Variants in TOR1AIP1 observed in about 807,000 individuals in gnomAD.
TOR1AIP1 encodes torsin 1A interacting protein 1.
TOR1AIP1 carries 54 observed loss-of-function variants against 63.3 expected under a neutral mutation model. The observed-to-expected ratio is 0.85, with a 90% CI of 0.69 to 1.07. The LOEUF is 1.07. TOR1AIP1 is among the 50% of genes least tolerant of loss of function. TOR1AIP1 has a pLI of 0.00. For synonymous variants in TOR1AIP1, 294 were observed against 273.5 expected (o/e 1.07, Z -0.74); for missense variants, 736 against 715.0 (o/e 1.03, Z -0.33).
intron 7 of TOR1AIP1, 44 bp downstream of exon 7, chr1:179,907,908 T>TTTA: frequency 9.4e-7 from 1 of 1,059,716 alleles, no homozygotes; most frequent in Non-Finnish European, 1.3e-6. Context: ...AATCAATTCT[T>TTTA]TTCTCTTTTT....
At chr1:179,916,625 A>T (rs990941856) in intron 9 of TOR1AIP1, among the ~76,000 whole-genome samples, 3 of 152,016 alleles carry the variant, frequency 2.0e-5, no homozygotes, top group African/African-American at 7.2e-5. Context: ...CACAAAAGGC[A>T]TCAGTGAAAT....
At chr1:179,914,279 C>A (rs1311764945) in intron 9 of TOR1AIP1, among the ~76,000 whole-genome samples, 1 of 152,038 alleles carries the variant, frequency 6.6e-6, no homozygotes, top group Non-Finnish European at 1.5e-5. Flanking sequence ...TCTATAAGAC[C>A]AAAAATAATA....
chr1:179,906,317 A>G (rs551836515), intron 6 of TOR1AIP1, among the ~76,000 whole-genome samples: 1 of 152,236 alleles, frequency 6.6e-6, no homozygotes, highest in Non-Finnish European at 1.5e-5. Context: ...ACAGATAGAT[A>G]TTCATGAATT....
In TOR1AIP1 at chr1:179,907,806, C is replaced by A; in HGVS notation, c.797-17C>A. On this transcript the variant is annotated splice_polypyrimidine_tract_variant and intron_variant, in intron 6 of 9. Coordinates refer to ENST00000606911, the MANE Select transcript of TOR1AIP1 (RefSeq NM_015602.4). Reference sequence around the variant, plus strand: ...TTTTCAAGTATTCTATGACCTTATCCCTGTTTTCTGTTTCAGGTCAAAACT... The same window carrying A: ...TTTTCAAGTATTCTATGACCTTATCACTGTTTTCTGTTTCAGGTCAAAACT... The A allele has an allele frequency of 6.3e-7, 1 of 1,581,644 alleles. No individual in the cohort carries two copies. The highest frequency in any genetic ancestry group is 8.6e-7 in the Non-Finnish European group (1 of 1,162,726).
chr1:179,886,049 A>G lies in TOR1AIP1; in HGVS notation c.553+1280A>G, dbSNP rs985840482. ...AGCCACCACGCCTGGCCTGTCCTAT[A>G]TTCCTTGAATAGTCTATGTTACTGT... On this transcript the variant is annotated intron_variant, in intron 2 of 9. Transcript: ENST00000606911. Among the ~76,000 whole-genome samples the G allele has an allele frequency of 6.6e-5, 10 of 152,282 alleles. No individual in the cohort carries two copies. In the East Asian group the frequency reaches 1.9e-3, roughly 29 times the overall value.
chr1:179,896,698 C>T (rs575741), intron 3 of TOR1AIP1, among the ~76,000 whole-genome samples: 23 of 152,038 alleles, frequency 1.5e-4, no homozygotes, highest in Non-Finnish European at 2.6e-4. Flanking sequence ...AGAATGAGGA[C>T]GGAGACTTGC....
intron 3 of TOR1AIP1, among the ~76,000 whole-genome samples, chr1:179,898,600 C>T (rs1648355187): frequency 1.3e-5 from 2 of 152,018 alleles, no homozygotes; most frequent in South Asian, 4.2e-4. Flanking sequence ...GAGCTCATGC[C>T]TGTATTACAG....
intron 6 of TOR1AIP1, among the ~76,000 whole-genome samples, chr1:179,905,183 T>C (rs1198554146): frequency 6.6e-6 from 1 of 152,108 alleles, no homozygotes; most frequent in African/African-American, 2.4e-5. Context: ...GAGACCATCC[T>C]GGCCAACATG....
Position 179,906,732 on chromosome 1 carries a change from T to C in TOR1AIP1, c.797-1091T>C, listed in dbSNP as rs12097138. The stretch of plus-strand genomic sequence containing the variant: ...TTTTGGAAAAATTACCAATTTTGGT[T>C]CCCCCCCCCCCTTTTTTTTTTTTGA... On this transcript the variant is annotated intron_variant, in intron 6 of 9. Coordinates refer to ENST00000606911, the MANE Select transcript of TOR1AIP1 (RefSeq NM_015602.4). Among the ~76,000 whole-genome samples, 400 of 112,660 alleles carry C rather than the reference T, an allele frequency of 3.6e-3. 5 individuals are homozygous for C. Among genetic ancestry groups the C allele is most frequent in the African/African-American group, 0.013 (385 of 29,416 alleles). 73.9% of individuals were successfully genotyped at this position (112,660 alleles called of 152,430 possible). A position where few individuals can be genotyped will look rare whatever the true frequency, so the allele number is the denominator to read the frequency against.
intron 5 of TOR1AIP1, among the ~76,000 whole-genome samples, chr1:179,902,412 G>A (rs1191246176): frequency 2.0e-5 from 3 of 151,556 alleles, no homozygotes; most frequent in African/African-American, 7.3e-5. Flanking sequence ...TTTTGAGACA[G>A]GATCTCTCTC....
intron 7 of TOR1AIP1, 127 bp from the exon 8 acceptor site, chr1:179,908,478 A>G (rs1303973835): frequency 4.1e-6 from 3 of 723,648 alleles, no homozygotes; most frequent in South Asian, 2.0e-5. Context: ...TTATAAAACT[A>G]TTGCTTTTAT....
chr1:179,902,047 G>A lies in TOR1AIP1; in HGVS notation c.739+659G>A, dbSNP rs180979552. ...TTTTTTTTTTTTTTTTTTTTTTAAG[G>A]CAGAGTCTCACTCTGTCACCCATGC... On this transcript the variant is annotated intron_variant, in intron 5 of 9. Transcript: ENST00000606911. Among the ~76,000 whole-genome samples the A allele has an allele frequency of 5.2e-3, 673 of 129,214 alleles. 2 individuals carry two copies. The highest frequency in any genetic ancestry group is 0.036 in the Middle Eastern group (8 of 220). 84.8% of individuals were successfully genotyped at this position (129,214 alleles called of 152,430 possible).
intron 3 of TOR1AIP1, among the ~76,000 whole-genome samples, chr1:179,895,401 C>G (rs1258993640): frequency 6.6e-6 from 1 of 151,906 alleles, no homozygotes; most frequent in Non-Finnish European, 1.5e-5. Flanking sequence ...TCGCTTGAAC[C>G]CAGGAATTTA....
intron 8 of TOR1AIP1, among the ~76,000 whole-genome samples, chr1:179,909,556 G>A (rs758339388): frequency 1.3e-4 from 19 of 151,792 alleles, no homozygotes; most frequent in Non-Finnish European, 2.1e-4. Flanking sequence ...GACTACAGGC[G>A]CGTACCACCA....
At chr1:179,894,510 A>C (rs1023361685) in intron 3 of TOR1AIP1, among the ~76,000 whole-genome samples, 1 of 152,000 alleles carries the variant, frequency 6.6e-6, no homozygotes, top group Non-Finnish European at 1.5e-5. Flanking sequence ...AACATGGTGA[A>C]ACCCTATCTC....
At chr1:179,907,942 T>G in intron 7 of TOR1AIP1, 78 bp downstream of exon 7, 1 of 782,726 alleles carries the variant, frequency 1.3e-6, no homozygotes, top group African/African-American at 2.0e-5. Flanking sequence ...TTTGAGACGA[T>G]GTCTTGCTCT....
At chr1:179,885,215 C>T (rs746890029) in intron 2 of TOR1AIP1, among the ~76,000 whole-genome samples, 9 of 152,214 alleles carry the variant, frequency 5.9e-5, no homozygotes, top group Non-Finnish European at 1.0e-4. Context: ...CAGTTTAATA[C>T]TGTGGTTTAT....
At position 179,882,583 on chromosome 1, in the gene TOR1AIP1, G is replaced by C. The variant is rs755857967; in HGVS notation, c.81G>C (p.Glu27Asp). Reference sequence around the variant, plus strand: ...TCACCCCCAGGGCCCCCATCCGAGAGGGAAGGGGCCGGCTCGCCCCTCAAA... The same window carrying C: ...TCACCCCCAGGGCCCCCATCCGAGACGGAAGGGGCCGGCTCGCCCCTCAAA... ...VYVTPRAPIR[E>D]GRGRLAPQNG... Residue 27 changes from glutamate (E) to aspartate (D), a missense_variant, in exon 1 of 10, where the codon GAG becomes GAC. Around this residue, in one of 2 missense-constraint regions of TOR1AIP1, gnomAD observed 464 missense variants for 371.0 expected, o/e 1.25. Transcript: ENST00000606911. 3 of 1,521,428 alleles carry C rather than the reference G, an allele frequency of 2.0e-6. No homozygotes were observed. The highest frequency in any genetic ancestry group is 2.8e-5 in the African/African-American group (2 of 71,686). 94.2% of individuals were successfully genotyped at this position (1,521,428 alleles called of 1,614,324 possible).
rs373411869 is a variant in TOR1AIP1, at chr1:179,884,697, G to A, written c.481G>A (p.Glu161Lys). ...TTGTTATGTCTGTTTTTTAGAGGAT[G>A]AAGCATCTTCCCAAACTGATTTAAG... ...LRDSHSSEED[E>K]ASSQTDLSQT... The change falls in exon 2 of 10, where the codon GAA becomes AAA. Residue 161 changes from glutamate to lysine, a missense_variant. Physicochemically the swap from Glu to Lys is moderately conservative, Grantham distance 56. Transcript: ENST00000606911. 16 of 1,608,732 alleles carry A rather than the reference G, an allele frequency of 9.9e-6. No homozygotes were observed. The highest frequency in any genetic ancestry group is 1.4e-5 in the Non-Finnish European group (16 of 1,178,036).
Sources: allele counts gnomAD v4.1 joint callset (sites outside exome capture counted in the v4.1 genomes callset), GRCh38; gene constraint gnomAD v4.1.1; regional missense constraint gnomAD v4.1.1; transcripts MANE v1.5; gene names NCBI Gene and HGNC (gene_info 2026-07-23, HGNC 2026-07-21).